Variants in MTFR2 observed in about 807,000 individuals in gnomAD.
MTFR2 encodes mitochondrial fission regulator 2.
MTFR2 carries 44 observed loss-of-function variants against 41.2 expected under a neutral mutation model. The ratio of observed to expected loss-of-function variants is 1.07; its 90% CI spans 0.84 to 1.37. The LOEUF (loss-of-function observed/expected upper bound fraction) is 1.37, where lower values mean the gene tolerates loss of function less well. Ranked by LOEUF, MTFR2 falls within the 40% of genes most tolerant of loss-of-function variation. The probability of loss-of-function intolerance (pLI) is 0.00; values close to 1 mark genes in which losing one functional copy is unlikely to be tolerated. For synonymous variants in MTFR2, 141 were observed against 154.6 expected (o/e 0.91, Z 0.65); for missense variants, 452 against 459.5 (o/e 0.98, Z 0.15).
At chr6:136,236,039 C>T (rs1457540894) in intron 6 of MTFR2, among the ~76,000 whole-genome samples, 1 of 152,198 alleles carries the variant, frequency 6.6e-6, no homozygotes, top group Non-Finnish European at 1.5e-5. Context: ...GATTTAGCCA[C>T]ATGGAGTCAC....
At chr6:136,248,297 G>A (rs1272414363) in intron 2 of MTFR2, among the ~76,000 whole-genome samples, 2 of 152,152 alleles carry the variant, frequency 1.3e-5, no homozygotes, top group African/African-American at 4.8e-5. Flanking sequence ...CTTATGATAT[G>A]GTTTGGCTGT....
At chr6:136,241,983 G>A (rs1259481208) in intron 4 of MTFR2, among the ~76,000 whole-genome samples, 2 of 150,996 alleles carry the variant, frequency 1.3e-5, no homozygotes, top group East Asian at 3.9e-4. Context: ...AGGAGGCTGA[G>A]GCAGGAGAAT....
intron 1 of MTFR2, among the ~76,000 whole-genome samples, chr6:136,249,495 C>T (rs2128459977): frequency 6.6e-6 from 1 of 152,272 alleles, no homozygotes; most frequent in Middle Eastern, 3.4e-3. Context: ...GGCTGAGACT[C>T]TTAGCAGATG....
chr6:136,240,686 T>C (rs891578296), intron 5 of MTFR2, among the ~76,000 whole-genome samples: 6 of 152,190 alleles, frequency 3.9e-5, no homozygotes, highest in African/African-American at 1.4e-4. Flanking sequence ...TTGGTGGAAG[T>C]GTAGCAGCAA....
intron 6 of MTFR2, among the ~76,000 whole-genome samples, chr6:136,233,987 A>T (rs1347869329): frequency 6.6e-5 from 10 of 152,162 alleles, no homozygotes; most frequent in Admixed American, 6.5e-4. Flanking sequence ...CAGCAAGATT[A>T]TCATCAATAT....
Position 136,250,027 on chromosome 6 carries a change from G to C in MTFR2, c.-106C>G, listed in dbSNP as rs944229271. ...ATCACCAGAACATCAAGCGGAGGGC[G>C]TTAGGAATCCTCAATCAAATTCCAG... On this transcript the variant is annotated 5_prime_UTR_variant, in exon 1 of 8. Transcript: ENST00000420702. 3.9e-5 allele frequency: 6 copies of C among 152,224 alleles called. No individual in the cohort carries two copies. Among genetic ancestry groups the C allele is most frequent in the African/African-American group, 1.4e-4 (6 of 41,438 alleles). 9.4% of individuals were successfully genotyped at this position (152,224 alleles called of 1,614,324 possible).
At chr6:136,238,701 CACACACAT>C (rs1779969321) in intron 6 of MTFR2, among the ~76,000 whole-genome samples, 1 of 151,678 alleles carries the variant, frequency 6.6e-6, no homozygotes, top group African/African-American at 2.4e-5. Flanking sequence ...CACACACACA[CACACACAT>C]GGAACTCAGA....
chr6:136,244,286 G>T (rs1780158193), intron 3 of MTFR2, among the ~76,000 whole-genome samples: 1 of 152,140 alleles, frequency 6.6e-6, no homozygotes, highest in Non-Finnish European at 1.5e-5. Flanking sequence ...CATGGTAGGT[G>T]CCCTATACGG....
intron 1 of MTFR2, among the ~76,000 whole-genome samples, chr6:136,249,431 G>T (rs1165870007): frequency 1.3e-5 from 2 of 152,210 alleles, no homozygotes; most frequent in Non-Finnish European, 2.9e-5. Flanking sequence ...TACTTAGTAG[G>T]CAAGGCTTCA....
chr6:136,241,319 A>C, intron 5 of MTFR2, 125 bp downstream of exon 5: 1 of 701,838 alleles, frequency 1.4e-6, no homozygotes, highest in East Asian at 2.7e-5. Flanking sequence ...GTACTCACTT[A>C]AATACTAGAT....
chr6:136,243,037 C>G, intron 3 of MTFR2, 64 bp from the exon 4 acceptor site: 1 of 1,020,706 alleles, frequency 9.8e-7, no homozygotes, highest in Non-Finnish European at 1.4e-6. Context: ...ACACATGCCC[C>G]ATGGTATTAA....
Position 136,239,676 on chromosome 6 carries a change from G to C in MTFR2, c.659C>G (p.Ser220Cys), listed in dbSNP as rs1779997738. ...GGGAGGAAAACACGGTGGCTGGAGAGATGAAAACTGAGGAGGAAGTGGTGG... is the reference window on the plus strand; with the variant it reads ...GGGAGGAAAACACGGTGGCTGGAGACATGAAAACTGAGGAGGAAGTGGTGG... ...PPPPLPPQFS[S>C]LQPPCFPPVQ... The change falls in exon 6 of 8, where the codon TCT becomes TGT. Residue 220 changes from serine to cysteine, a missense_variant. Physicochemically the swap from Ser to Cys is moderately radical, Grantham distance 112. Transcript: ENST00000420702. 1 of 1,613,942 alleles carries C rather than the reference G, an allele frequency of 6.2e-7. No homozygotes were observed. The highest frequency in any genetic ancestry group is 1.1e-5 in the South Asian group (1 of 91,078).
chr6:136,244,557 G>T lies in MTFR2; in HGVS notation c.168+208C>A, dbSNP rs528949145. Among the ~76,000 whole-genome samples the T allele has an allele frequency of 2.6e-5, 4 of 151,426 alleles. No individual in the cohort carries two copies. The East Asian group carries it at 7.7e-4, about 29-fold the overall frequency. ...CACCAAACAACGCTTTTCTCAAAAT[G>T]TATCCCCCCATCATTAAACGATGCA... On this transcript the variant is annotated intron_variant, in intron 3 of 7. Coordinates refer to ENST00000420702, the MANE Select transcript of MTFR2 (RefSeq NM_001099286.3).
intron 3 of MTFR2, among the ~76,000 whole-genome samples, chr6:136,243,740 T>C (rs915055434): frequency 6.6e-6 from 1 of 151,032 alleles, no homozygotes; most frequent in Admixed American, 6.6e-5. Flanking sequence ...AAGTTAACTA[T>C]ACCACAGCCT....
rs866400273 is a variant in MTFR2, at chr6:136,234,130, G to A, written c.870-631C>T. 6.8e-4 allele frequency among the ~76,000 whole-genome samples: 104 copies of A among 151,936 alleles called. 2 individuals carry two copies. Among genetic ancestry groups the A allele is most frequent in the African/African-American group, 2.4e-3 (99 of 41,444 alleles). ...GAGGACTGCCTGAGCCCAGGAGTTC[G>A]AGAGCAGCTTGGGTAACATAGCGAG... On this transcript the variant is annotated intron_variant, in intron 6 of 7. Transcript: ENST00000420702.
intron 5 of MTFR2, among the ~76,000 whole-genome samples, chr6:136,240,840 C>A (rs1037241435): frequency 6.6e-6 from 1 of 152,172 alleles, no homozygotes; most frequent in African/African-American, 2.4e-5. Context: ...GCCTGTAATC[C>A]CAGCACTTTG....
At chr6:136,240,299 G>A (rs1167158295) in intron 5 of MTFR2, among the ~76,000 whole-genome samples, 1 of 151,878 alleles carries the variant, frequency 6.6e-6, no homozygotes, top group African/African-American at 2.4e-5. Flanking sequence ...AAAGGACTGT[G>A]GGTAAACACG....
chr6:136,236,050 T>C (rs1029659821), intron 6 of MTFR2, among the ~76,000 whole-genome samples: 2 of 152,202 alleles, frequency 1.3e-5, no homozygotes, highest in African/African-American at 4.8e-5. Flanking sequence ...ATGGAGTCAC[T>C]GGTGAAGCAG....
intron 2 of MTFR2, among the ~76,000 whole-genome samples, chr6:136,246,233 C>T (rs1197978321): frequency 6.6e-6 from 1 of 152,056 alleles, no homozygotes; most frequent in Non-Finnish European, 1.5e-5. Context: ...CCTCTCATTC[C>T]TTCATTGCCC....
Sources: allele counts gnomAD v4.1 joint callset (sites outside exome capture counted in the v4.1 genomes callset), GRCh38; gene constraint gnomAD v4.1.1; transcripts MANE v1.5; gene names NCBI Gene and HGNC (gene_info 2026-07-23, HGNC 2026-07-21).